METTL9: variants seen among roughly 807,000 people sequenced by gnomAD.
The protein encoded by METTL9 is methyltransferase 9, His-X-His N1(pi)-histidine, also known as protein-L-histidine N-pros-methyltransferase.
A neutral mutation model predicts 36.0 loss-of-function variants in METTL9; 10 were observed. That is an observed-to-expected ratio of 0.28 (90% confidence interval 0.17 to 0.47). The LOEUF (loss-of-function observed/expected upper bound fraction) is 0.47. Among genes scored for constraint, METTL9 ranks in the 20% least tolerant of loss-of-function variants. The pLI is 0.99. For missense variants in METTL9, 246 were observed against 383.5 expected (o/e 0.64, Z 3.00); for synonymous variants, 175 against 149.7 (o/e 1.17, Z -1.23).
intron 4 of METTL9, among the ~76,000 whole-genome samples, chr16:21,630,627 G>A (rs936377969): frequency 6.6e-6 from 1 of 152,216 alleles, no homozygotes. Flanking sequence ...GTCCTCCAGA[G>A]GGGAACTCTT....
intron 1 of METTL9, chr16:21,612,398 T>TC (rs2152893707): frequency 2.9e-6 from 1 of 339,132 alleles, no homozygotes; most frequent in African/African-American, 2.1e-5. Flanking sequence ...TCTCCACCCT[T>TC]CCCTCACCCA....
Position 21,600,009 on chromosome 16 carries a change from C to T in METTL9, c.165+111C>T, listed in dbSNP as rs990800740. On this transcript the variant is annotated intron_variant, in intron 1 of 4. Coordinates refer to ENST00000358154, the MANE Select transcript of METTL9 (RefSeq NM_016025.5). ...CGAGGGGGCGGCCCGGCCCTCGCCC[C>T]TCCGCCTCGGCCCCTTGGAAAGTTT... 1.0e-5 allele frequency: 10 copies of T among 955,306 alleles called. No homozygotes were observed. In the African/African-American group the frequency reaches 1.7e-4, roughly 17 times the overall value. 59.2% of individuals were successfully genotyped at this position (955,306 alleles called of 1,614,324 possible).
intron 4 of METTL9, chr16:21,644,433 T>A: frequency 2.1e-6 from 3 of 1,409,384 alleles, no homozygotes; most frequent in Non-Finnish European, 3.0e-6. Context: ...CATTGACTAT[T>A]AAAGCCTATT....
Position 21,627,415 on chromosome 16 carries a change from C to T in METTL9, c.751+2300C>T, listed in dbSNP as rs1005170136. On this transcript the variant is annotated intron_variant, in intron 4 of 4. Coordinates refer to ENST00000358154, the MANE Select transcript of METTL9 (RefSeq NM_016025.5). Reference sequence around the variant, plus strand: ...TTTGGAAAAAAAATGAAAAAAATACCATTCTAATTTCAGTTTATTTGGTTT... The same window carrying T: ...TTTGGAAAAAAAATGAAAAAAATACTATTCTAATTTCAGTTTATTTGGTTT... The T allele has an allele frequency of 5.1e-6, 5 of 980,116 alleles. No individual in the cohort carries two copies. In the African/African-American group the frequency reaches 7.0e-5, roughly 14 times the overall value. 60.7% of individuals were successfully genotyped at this position (980,116 alleles called of 1,614,324 possible).
intron 4 of METTL9, chr16:21,641,540 C>A: frequency 6.3e-7 from 1 of 1,579,310 alleles, no homozygotes; most frequent in Non-Finnish European, 8.7e-7. Flanking sequence ...GTTTCTATGG[C>A]CTTTCATAGT....
rs57388340 is a variant in METTL9, at chr16:21,613,168, C to CTTTTTTTTTTTT, written c.356+358_356+369dup. Among the ~76,000 whole-genome samples, 10 of 91,426 alleles carry CTTTTTTTTTTTT rather than the reference C, an allele frequency of 1.1e-4. 1 individual carries two copies. Among genetic ancestry groups the CTTTTTTTTTTTT allele is most frequent in the East Asian group, 3.5e-4 (1 of 2,830 alleles). The allele number at this position is 91,426 out of a possible 152,430, so 60.0% of individuals were successfully genotyped here. The stretch of plus-strand genomic sequence containing the variant: ...ATCAGGGGCTAGGTCTGAGAGTCTG[C>CTTTTTTTTTTTT]TTTTTTTTTTTTTTTTTTTTTTTTT... On this transcript the variant is annotated intron_variant, in intron 2 of 4. Transcript: ENST00000358154.
chr16:21,631,241 A>G (rs1448431663), intron 4 of METTL9, among the ~76,000 whole-genome samples: 1 of 152,180 alleles, frequency 6.6e-6, no homozygotes, highest in Non-Finnish European at 1.5e-5. Context: ...CTCTGTGCTG[A>G]CGGACTTGAG....
At chr16:21,605,798 C>T (rs976778193) in intron 1 of METTL9, among the ~76,000 whole-genome samples, 2 of 152,136 alleles carry the variant, frequency 1.3e-5, no homozygotes, top group African/African-American at 4.8e-5. Flanking sequence ...AATTTTCCAT[C>T]ACCAAGTGGG....
intron 4 of METTL9, among the ~76,000 whole-genome samples, chr16:21,631,507 A>G (rs1412051955): frequency 2.0e-5 from 3 of 152,192 alleles, no homozygotes; most frequent in Non-Finnish European, 4.4e-5. Flanking sequence ...GAGCAGACCA[A>G]TTATTAGGCA....
intron 4 of METTL9, chr16:21,654,988 C>G: frequency 3.8e-6 from 2 of 528,226 alleles, no homozygotes; most frequent in Non-Finnish European, 6.8e-6. Context: ...CCTGGGCTTA[C>G]ATTTCCATAC....
At chr16:21,629,201 T>C (rs1965884653) in intron 4 of METTL9, among the ~76,000 whole-genome samples, 1 of 152,038 alleles carries the variant, frequency 6.6e-6, no homozygotes, top group South Asian at 2.1e-4. Context: ...AGACTGCGTG[T>C]TTGTTTGTGT....
In METTL9 at chr16:21,638,454, A is replaced by G. The variant is rs552771455; in HGVS notation, c.751+13339A>G. On this transcript the variant is annotated intron_variant, in intron 4 of 4. Coordinates refer to ENST00000358154, the MANE Select transcript of METTL9 (RefSeq NM_016025.5). ...ATGGTGAGGGACTGAAGTATGCTAC[A>G]TATCTCAATTTAAATGCTGAAGGAA... 5.9e-5 allele frequency among the ~76,000 whole-genome samples: 9 copies of G among 152,334 alleles called. No homozygotes were observed. In the South Asian group the frequency reaches 1.7e-3, roughly 28 times the overall value.
intron 4 of METTL9, among the ~76,000 whole-genome samples, chr16:21,629,818 A>G (rs1039056448): frequency 1.3e-5 from 2 of 151,616 alleles, no homozygotes; most frequent in African/African-American, 4.8e-5. Context: ...GGTCCATTTT[A>G]CAGAGAGCTG....
intron 4 of METTL9, among the ~76,000 whole-genome samples, chr16:21,647,775 A>C (rs1442637755): frequency 6.6e-6 from 1 of 152,042 alleles, no homozygotes; most frequent in Admixed American, 6.5e-5. Context: ...TAGAGGTGGC[A>C]CCGTATTGGA....
chr16:21,644,145 A>T, intron 4 of METTL9: 1 of 603,216 alleles, frequency 1.7e-6, no homozygotes. Context: ...CCTCTTCTGC[A>T]GGTGGTGTTC....
intron 4 of METTL9, among the ~76,000 whole-genome samples, chr16:21,649,427 G>T (rs1363850915): frequency 6.6e-6 from 1 of 152,126 alleles, no homozygotes; most frequent in African/African-American, 2.4e-5. Context: ...TCTGAGCTTC[G>T]TGTCTGTGGG....
At chr16:21,599,497 A>C (rs959754755), upstream of METTL9, 9 of 1,212,882 alleles carry the variant, frequency 7.4e-6, no homozygotes, top group Admixed American at 4.6e-5. The surrounding 1 kb of genome is among the most constrained non-coding windows in gnomAD (Gnocchi z 4.4). Flanking sequence ...AGTGCTCCGG[A>C]TGGAAACTGG....
rs184932845 is a variant in METTL9 at position 21,623,317 on chromosome 16, T to C, written c.567-1614T>C. 1.3e-3 allele frequency among the ~76,000 whole-genome samples: 203 copies of C among 152,330 alleles called. 4 individuals carry two copies. In the East Asian group the frequency reaches 0.034, roughly 25 times the overall value. ...AGAAAATGCAGCTAAGTGCTTTGTG[T>C]TTTTAAAATTCTGCTATTCAGAAAT... On this transcript the variant is annotated intron_variant, in intron 3 of 4. Transcript: ENST00000358154.
intron 4 of METTL9, among the ~76,000 whole-genome samples, chr16:21,649,890 G>A (rs1966523487): frequency 6.6e-6 from 1 of 151,910 alleles, no homozygotes; most frequent in Non-Finnish European, 1.5e-5. Flanking sequence ...TTTATTTTTA[G>A]TAGAGACAGG....
Sources: gnomAD v4.1 joint callset for allele counts (sites outside exome capture counted in the v4.1 genomes callset) on GRCh38, gnomAD v4.1.1 for gene constraint, Gnocchi (gnomAD v3.1) non-coding constraint, MANE v1.5 for transcripts, NCBI Gene and HGNC (gene_info 2026-07-23, HGNC 2026-07-21) for gene names.